Variants in UFD1 observed in about 807,000 individuals in gnomAD.
UFD1 encodes ubiquitin recognition factor in ER-associated degradation protein 1.
Under a neutral mutation model 45.9 loss-of-function variants are expected in UFD1, and 13 were observed. The observed-to-expected ratio is 0.28, with a 90% CI of 0.18 to 0.45. The LOEUF (loss-of-function observed/expected upper bound fraction) is 0.45, where lower values mean the gene tolerates loss of function less well. UFD1 is among the 20% of genes least tolerant of loss of function. UFD1 has a pLI of 1.00. For missense variants in UFD1, 218 were observed against 389.2 expected, an observed-to-expected ratio of 0.56 and a Z score of 3.70; for synonymous variants, 128 against 139.2, an observed-to-expected ratio of 0.92 and a Z score of 0.56.
At chr22:19,457,840 C>T (rs1487836849) in intron 7 of UFD1, among the ~76,000 whole-genome samples, 2 of 152,070 alleles carry the variant, frequency 1.3e-5, no homozygotes, top group Non-Finnish European at 2.9e-5. Flanking sequence ...CACTCCTCAA[C>T]GGGTCAGAGC....
chr22:19,478,543 G>C (rs1299553905), intron 1 of UFD1, among the ~76,000 whole-genome samples: 2 of 152,212 alleles, frequency 1.3e-5, no homozygotes, highest in African/African-American at 4.8e-5. Flanking sequence ...GGTGTTAAAA[G>C]CTGTGTAACA....
chr22:19,455,450 GGGTATGGAGA>G (rs767946243), intron 10 of UFD1, among the ~76,000 whole-genome samples: 34 of 152,214 alleles, frequency 2.2e-4, no homozygotes, highest in Admixed American at 7.2e-4. Flanking sequence ...GCTGAATTGG[GGGTATGGAGA>G]GGTATGGAGA....
At chr22:19,462,616 G>T (rs1363244186) in intron 6 of UFD1, among the ~76,000 whole-genome samples, 5 of 152,058 alleles carry the variant, frequency 3.3e-5, no homozygotes, top group African/African-American at 1.2e-4. Flanking sequence ...GCTGCAGTGA[G>T]CCAAGATCGC....
At chr22:19,475,125 A>T (rs763770668) in intron 2 of UFD1, 25 bp from the exon 3 acceptor site, 1 of 1,598,696 alleles carries the variant, frequency 6.3e-7, no homozygotes, top group East Asian at 2.2e-5. Context: ...TTTAAGAAAT[A>T]TTAAAAAATA....
chr22:19,456,257 CAT>C (rs1214533929), intron 9 of UFD1, among the ~76,000 whole-genome samples: 1 of 152,160 alleles, frequency 6.6e-6, no homozygotes, highest in Non-Finnish European at 1.5e-5. Flanking sequence ...AAAAAGGAAA[CAT>C]GATTTACAAG....
At position 19,454,750 on chromosome 22, in the gene UFD1, T is replaced by G; in HGVS notation, c.848A>C (p.Glu283Ala). Residue 283 changes from glutamate (E) to alanine (A), a missense_variant and splice_region_variant, in exon 11 of 12, where the codon GAG becomes GCG. Transcript: ENST00000263202. ...GGAAATACAAGGAAATACACTCACCTCTTCAACCTTTTTGACAAGGGGACG... is the reference window on the plus strand; with the variant it reads ...GGAAATACAAGGAAATACACTCACCGCTTCAACCTTTTTGACAAGGGGACG... The part of the protein sequence containing the change: ...NSRPLVKKVE[E>A]DEAGGRFVAF... 6.2e-7 allele frequency: 1 copy of G among 1,614,094 alleles called. No individual in the cohort carries two copies. Among genetic ancestry groups the G allele is most frequent in the Non-Finnish European group, 8.5e-7 (1 of 1,179,982 alleles).
chr22:19,475,215 C>A, intron 2 of UFD1, 115 bp from the exon 3 acceptor site: 1 of 1,121,830 alleles, frequency 8.9e-7, no homozygotes, highest in South Asian at 1.6e-5. Flanking sequence ...TTAGGGTAGC[C>A]AGAATGTCCC....
intron 10 of UFD1, 138 bp downstream of exon 10, chr22:19,455,542 G>A (rs2089716151): frequency 1.3e-6 from 1 of 744,666 alleles, no homozygotes; most frequent in Non-Finnish European, 2.3e-6. Context: ...CCCCACCAAG[G>A]AGAGCAGCTA....
At chr22:19,476,628 G>C (rs2089883386) in intron 1 of UFD1, among the ~76,000 whole-genome samples, 1 of 138,490 alleles carries the variant, frequency 7.2e-6, no homozygotes, top group African/African-American at 2.8e-5. Flanking sequence ...GTGGACGCCT[G>C]AAACCACAGA....
chr22:19,474,549 AAAATAAATAAAT>A (rs1055661563), intron 3 of UFD1, among the ~76,000 whole-genome samples: 5 of 152,120 alleles, frequency 3.3e-5, no homozygotes, highest in Admixed American at 1.3e-4. Context: ...TCTGTCTCAA[AAAATAAATAAAT>A]AAATAAATAA....
chr22:19,471,955 G>T, intron 3 of UFD1, 147 bp from the exon 4 acceptor site: 1 of 1,149,012 alleles, frequency 8.7e-7, no homozygotes, highest in Non-Finnish European at 1.2e-6. Context: ...TGAGAGCACA[G>T]TGCACGGCTC....
intron 6 of UFD1, among the ~76,000 whole-genome samples, chr22:19,458,657 G>A (rs2089742275): frequency 6.6e-6 from 1 of 152,110 alleles, no homozygotes; most frequent in Non-Finnish European, 1.5e-5. Flanking sequence ...TGGCCAGGCT[G>A]GTCTCGAACT....
At chr22:19,475,127 T>C in intron 2 of UFD1, 27 bp from the exon 3 acceptor site, 1 of 1,593,598 alleles carries the variant, frequency 6.3e-7, no homozygotes, top group Non-Finnish European at 8.5e-7. Flanking sequence ...TAAGAAATAT[T>C]AAAAAATAAA....
At chr22:19,454,242 CAG>C in intron 11 of UFD1, 1 of 993,800 alleles carries the variant, frequency 1.0e-6, no homozygotes, top group Non-Finnish European at 1.2e-6. Flanking sequence ...CAGAAAAAAA[CAG>C]GACACCAGGG....
intron 3 of UFD1, among the ~76,000 whole-genome samples, chr22:19,474,525 G>A (rs1325216268): frequency 1.3e-5 from 2 of 152,156 alleles, no homozygotes; most frequent in African/African-American, 2.4e-5. Flanking sequence ...CAGCCTGGGC[G>A]CTAAGAGCAA....
In UFD1 at chr22:19,455,693, C is replaced by T; in HGVS notation, c.754G>A (p.Gly252Arg). ...GGACAGACCTACCTTTTAATATCTCCAGGCTTGATTGGGGAGGGGCTGGGC... is the reference window on the plus strand; with the variant it reads ...GGACAGACCTACCTTTTAATATCTCTAGGCTTGATTGGGGAGGGGCTGGGC... ...VEPSPSPIKP[G>R]DIKRGIPNYE... The change falls in exon 10 of 12, where the codon GGA becomes AGA. Residue 252 changes from glycine to arginine, a missense_variant. Transcript: ENST00000263202. 6.2e-7 allele frequency: 1 copy of T among 1,614,024 alleles called. No homozygotes were observed. The highest frequency in any genetic ancestry group is 8.5e-7 in the Non-Finnish European group (1 of 1,179,910).
chr22:19,469,315 AT>A (rs2089827177), intron 4 of UFD1, among the ~76,000 whole-genome samples: 1 of 152,150 alleles, frequency 6.6e-6, no homozygotes, highest in African/African-American at 2.4e-5. Flanking sequence ...CTGGGCTGCA[AT>A]TGCAAGCCTG....
intron 4 of UFD1, chr22:19,470,905 A>G (rs2089840090): frequency 2.2e-6 from 1 of 448,806 alleles, no homozygotes; most frequent in Non-Finnish European, 4.5e-6. Flanking sequence ...TCCAGCCCAC[A>G]GCTCACTGCG....
At chr22:19,468,703 G>T (rs2089821909) in intron 4 of UFD1, among the ~76,000 whole-genome samples, 1 of 152,152 alleles carries the variant, frequency 6.6e-6, no homozygotes, top group African/African-American at 2.4e-5. Flanking sequence ...TACATCAGTA[G>T]AAAGAGCCGT....
Sources: gnomAD v4.1 joint callset for allele counts (sites outside exome capture counted in the v4.1 genomes callset) on GRCh38, gnomAD v4.1.1 for gene constraint, MANE v1.5 for transcripts, NCBI Gene and HGNC (gene_info 2026-07-23, HGNC 2026-07-21) for gene names.